Variants in RBFOX1 observed in about 807,000 individuals in gnomAD.
RBFOX1 encodes the protein RNA binding fox-1 homolog 1, also known as RNA binding protein fox-1 homolog 1.
Under a neutral mutation model 57.7 loss-of-function variants are expected in RBFOX1, and 8 were observed. That is an observed-to-expected ratio of 0.14 (90% CI 0.08 to 0.25). RBFOX1 has a LOEUF of 0.25. Among genes scored for constraint, RBFOX1 ranks in the 10% least tolerant of loss-of-function variants. The pLI is 1.00. For missense variants in RBFOX1, 611 were observed against 548.5 expected (o/e 1.11, Z -1.14); for synonymous variants, 326 against 222.4 (o/e 1.47, Z -4.15).
chr16:6,387,658 A>G (rs915194533), intron 2 of RBFOX1, among the ~76,000 whole-genome samples: 5 of 152,090 alleles, frequency 3.3e-5, no homozygotes, highest in African/African-American at 1.2e-4. Context: ...ACCTAATTAT[A>G]TTTTTAGCTT....
intron 1 of RBFOX1, among the ~76,000 whole-genome samples, chr16:5,389,027 T>A (rs2066331293): frequency 6.6e-6 from 1 of 150,674 alleles, no homozygotes; most frequent in East Asian, 2.0e-4. Context: ...CCATCTCTAG[T>A]AAAAATACAA....
intron 4 of RBFOX1, among the ~76,000 whole-genome samples, chr16:7,171,708 T>C (rs1051304842): frequency 1.3e-5 from 2 of 152,226 alleles, no homozygotes; most frequent in African/African-American, 4.8e-5. Flanking sequence ...AATGAGCTTG[T>C]GTTTTCTGAA....
At chr16:6,237,118 G>A (rs1035504731) in intron 1 of RBFOX1, among the ~76,000 whole-genome samples, 1 of 152,174 alleles carries the variant, frequency 6.6e-6, no homozygotes, top group African/African-American at 2.4e-5. Flanking sequence ...CAAAATCATG[G>A]TACTTACTAA....
Position 6,786,889 on chromosome 16 carries a change from C to A in RBFOX1, c.-16+132239C>A, listed in dbSNP as rs7501075. Among the ~76,000 whole-genome samples the A allele has an allele frequency of 3.3e-3, 431 of 129,462 alleles. 8 individuals carry two copies. Among genetic ancestry groups the A allele is most frequent in the Admixed American group, 0.032 (400 of 12,330 alleles). The allele number at this position is 129,462 out of a possible 152,430, so 84.9% of individuals were successfully genotyped here. ...ACCAGAAGGAAGAGAATTGCTTAGC[C>A]GGCAGGCTTTTTTACTTTTAAAAAA... is the stretch of plus-strand genomic sequence containing the variant. On this transcript the variant is annotated intron_variant, in intron 3 of 15. Coordinates refer to ENST00000550418, the MANE Select transcript of RBFOX1 (RefSeq NM_018723.4).
At chr16:6,142,485 C>T (rs867428611) in intron 1 of RBFOX1, among the ~76,000 whole-genome samples, 10 of 151,916 alleles carry the variant, frequency 6.6e-5, no homozygotes, top group Admixed American at 2.6e-4. Context: ...CCTCCCAAAG[C>T]GCTGGGATTA....
intron 2 of RBFOX1, among the ~76,000 whole-genome samples, chr16:6,324,610 A>G (rs915433755): frequency 6.6e-6 from 1 of 152,178 alleles, no homozygotes; most frequent in Non-Finnish European, 1.5e-5. Flanking sequence ...GACAGTGCCA[A>G]TGGGATGTTA....
intron 3 of RBFOX1, among the ~76,000 whole-genome samples, chr16:6,742,896 T>G (rs537459775): frequency 1.2e-4 from 19 of 152,296 alleles, no homozygotes; most frequent in African/African-American, 4.3e-4. Flanking sequence ...AGTTCTGTAT[T>G]GTATTGTGGT....
intron 1 of RBFOX1, among the ~76,000 whole-genome samples, chr16:6,153,920 G>A (rs181254639): frequency 2.0e-5 from 3 of 152,276 alleles, no homozygotes; most frequent in Non-Finnish European, 4.4e-5. Context: ...TTCCATTCCT[G>A]AGGTAAGGTG....
At position 6,829,308 on chromosome 16, in the gene RBFOX1, C is replaced by G. The variant is rs537549252; in HGVS notation, c.-16+174658C>G. 1.8e-3 allele frequency among the ~76,000 whole-genome samples: 264 copies of G among 150,172 alleles called. 1 individual carries two copies. The highest frequency in any genetic ancestry group is 4.9e-3 in the Admixed American group (74 of 15,084). On this transcript the variant is annotated intron_variant, in intron 3 of 15. Coordinates refer to ENST00000550418, the MANE Select transcript of RBFOX1 (RefSeq NM_018723.4). ...GAAGTTCTACTTTTAGGAATTTAAT[C>G]TACATAAATACATATATAAGGAGGC...
intron 4 of RBFOX1, among the ~76,000 whole-genome samples, chr16:5,928,521 C>T (rs1335042428): frequency 1.3e-5 from 2 of 151,802 alleles, no homozygotes; most frequent in Non-Finnish European, 2.9e-5. Context: ...TAAACATATA[C>T]AATTATTATT....
chr16:5,731,089 A>G (rs1159749085), intron 3 of RBFOX1, among the ~76,000 whole-genome samples: 1 of 151,916 alleles, frequency 6.6e-6, no homozygotes, highest in Non-Finnish European at 1.5e-5. Context: ...ATCACCATCA[A>G]CATCATTGTC....
intron 1 of RBFOX1, among the ~76,000 whole-genome samples, chr16:6,075,157 C>G (rs1304692099): frequency 6.6e-6 from 1 of 152,148 alleles, no homozygotes; most frequent in African/African-American, 2.4e-5. Flanking sequence ...AGTGACATGA[C>G]TTGAACAACG....
At chr16:6,894,546 G>A (rs1346834757) in intron 3 of RBFOX1, among the ~76,000 whole-genome samples, 2 of 152,074 alleles carry the variant, frequency 1.3e-5, no homozygotes, top group African/African-American at 2.4e-5. Flanking sequence ...CTCCCAAAGT[G>A]TACCCCCAAA....
intron 2 of RBFOX1, among the ~76,000 whole-genome samples, chr16:6,565,256 CTTTTCTTTTT>C (rs2097245621): frequency 9.4e-6 from 1 of 106,722 alleles, no homozygotes; most frequent in African/African-American, 2.7e-5. Context: ...TTTTTCTTTT[CTTTTCTTTTT>C]TTTTGTCTGA....
chr16:6,094,389 G>C (rs2096218218), intron 1 of RBFOX1, among the ~76,000 whole-genome samples: 1 of 152,196 alleles, frequency 6.6e-6, no homozygotes, highest in South Asian at 2.1e-4. Context: ...TTTAGGCAAA[G>C]AGGGAACAGT....
chr16:5,275,602 C>G (rs560147259), intron 1 of RBFOX1, among the ~76,000 whole-genome samples: 1 of 152,276 alleles, frequency 6.6e-6, no homozygotes, highest in South Asian at 2.1e-4. Flanking sequence ...GTGAAAATGA[C>G]CATACTGCCA....
intron 2 of RBFOX1, among the ~76,000 whole-genome samples, chr16:6,642,632 A>T (rs1019194565): frequency 3.4e-5 from 5 of 149,202 alleles, no homozygotes; most frequent in Non-Finnish European, 7.4e-5. Flanking sequence ...AAAATAACTC[A>T]CAGGAGGTAG....
intron 4 of RBFOX1, among the ~76,000 whole-genome samples, chr16:5,882,535 C>T (rs543221359): frequency 6.6e-6 from 1 of 152,192 alleles, no homozygotes; most frequent in Non-Finnish European, 1.5e-5. Flanking sequence ...TCAGAGCTGC[C>T]TCTACCACAG....
chr16:6,093,267 A>G (rs1428366754), intron 1 of RBFOX1, among the ~76,000 whole-genome samples: 1 of 152,176 alleles, frequency 6.6e-6, no homozygotes, highest in African/African-American at 2.4e-5. Context: ...TCAATAAAGA[A>G]TAGAAGCAAT....
Sources: allele counts gnomAD v4.1 joint callset (sites outside exome capture counted in the v4.1 genomes callset), GRCh38; gene constraint gnomAD v4.1.1; transcripts MANE v1.5; gene names NCBI Gene and HGNC (gene_info 2026-07-23, HGNC 2026-07-21).